ARHGEF9: variants seen among roughly 807,000 people sequenced by gnomAD.
ARHGEF9 encodes the protein Cdc42 guanine nucleotide exchange factor 9, also known as rho guanine nucleotide exchange factor 9.
ARHGEF9 carries 2 observed loss-of-function variants against 41.3 expected under a neutral mutation model. That is an observed-to-expected ratio of 0.05 (90% CI 0.02 to 0.15). ARHGEF9 has a LOEUF of 0.15. ARHGEF9 is among the 10% of genes least tolerant of loss of function. ARHGEF9 has a pLI of 1.00. For missense variants in ARHGEF9, 225 were observed against 424.7 expected (o/e 0.53, Z 4.13); for synonymous variants, 160 against 154.4 (o/e 1.04, Z -0.27).
At chrX:63,780,453 G>A (rs1475850303) in intron 1 of ARHGEF9, among the ~76,000 whole-genome samples, 2 of 111,100 alleles carry the variant, frequency 1.8e-5, no homozygotes, top group Non-Finnish European at 3.8e-5. Context: ...GCACACCAAA[G>A]GTGTGGCAAT....
At chrX:63,748,902 T>C (rs782452616) in intron 1 of ARHGEF9, among the ~76,000 whole-genome samples, 1 of 112,239 alleles carries the variant, frequency 8.9e-6, no homozygotes, top group Non-Finnish European at 1.9e-5. Context: ...TGAACAGTTC[T>C]AGGCAGCAGA....
chrX:63,707,353 G>A (rs2052610696), intron 2 of ARHGEF9: 1 of 100,977 alleles, frequency 9.9e-6, no homozygotes, highest in African/African-American at 3.7e-5. Context: ...TGAAGGCAGT[G>A]GGAAGCTAAA....
chrX:63,720,416 G>A (rs1180087841), intron 2 of ARHGEF9, among the ~76,000 whole-genome samples: 12 of 111,850 alleles, frequency 1.1e-4, no homozygotes, highest in African/African-American at 3.9e-4. Flanking sequence ...CCTGGGGAGA[G>A]AAGAAAATCT....
chrX:63,747,037 T>C (rs782389597), intron 1 of ARHGEF9, among the ~76,000 whole-genome samples: 1 of 112,211 alleles, frequency 8.9e-6, no homozygotes, highest in African/African-American at 3.2e-5. Context: ...TTAAAACCAC[T>C]CTGTGTATTC....
chrX:63,704,769 AG>A (rs2052416414), intron 3 of ARHGEF9, among the ~76,000 whole-genome samples: 1 of 112,512 alleles, frequency 8.9e-6, no homozygotes, highest in Non-Finnish European at 1.9e-5. Context: ...TCAAGCCCAC[AG>A]GGTTAATTAA....
At chrX:63,747,105 C>A (rs1267792023) in intron 1 of ARHGEF9, among the ~76,000 whole-genome samples, 1 of 112,332 alleles carries the variant, frequency 8.9e-6, no homozygotes, top group Non-Finnish European at 1.9e-5. Context: ...TATCTGTACT[C>A]GTGTTGATCA....
At chrX:63,659,723 C>A (rs1465688682) in intron 7 of ARHGEF9, among the ~76,000 whole-genome samples, 36 of 111,609 alleles carry the variant, frequency 3.2e-4, no homozygotes, top group Non-Finnish European at 6.4e-4. Context: ...AGAATGCATG[C>A]TTAATAATTA....
intron 4 of ARHGEF9, among the ~76,000 whole-genome samples, chrX:63,682,348 A>C (rs1435720452): frequency 3.7e-5 from 4 of 109,494 alleles, no homozygotes; most frequent in Non-Finnish European, 7.6e-5. Flanking sequence ...CCCCGTCTCT[A>C]ATAAAAATAC....
intron 1 of ARHGEF9, among the ~76,000 whole-genome samples, chrX:63,738,754 G>A (rs2054767353): frequency 2.7e-5 from 3 of 111,594 alleles, no homozygotes. Flanking sequence ...TACAAATGAA[G>A]AGAGACACAA....
intron 4 of ARHGEF9, 22 bp downstream of exon 4, chrX:63,697,103 C>T (rs1194474055): frequency 1.7e-6 from 2 of 1,202,501 alleles, no homozygotes; most frequent in African/African-American, 1.8e-5. Context: ...CAAAACCCTC[C>T]CCAAATGGAT....
chrX:63,762,319 G>A (rs2056048276), intron 1 of ARHGEF9, among the ~76,000 whole-genome samples: 1 of 111,998 alleles, frequency 8.9e-6, no homozygotes, highest in African/African-American at 3.2e-5. Flanking sequence ...TAGGTGGGCA[G>A]GTAGGTAGCC....
chrX:63,741,497 G>A (rs2054944917), intron 1 of ARHGEF9, among the ~76,000 whole-genome samples: 1 of 112,562 alleles, frequency 8.9e-6, no homozygotes, highest in African/African-American at 3.2e-5. Flanking sequence ...ATCAAAATAT[G>A]TCCCACATGG....
In ARHGEF9 at chrX:63,637,018, T is replaced by A. The variant is rs2047341232; in HGVS notation, c.*1010A>T. The A allele has an allele frequency of 1.0e-5, 3 of 295,698 alleles. No individual in the cohort carries two copies. In the South Asian group the frequency reaches 6.3e-4, roughly 62 times the overall value. The allele number at this position is 295,698 out of a possible 1,213,427, so 24.4% of individuals were successfully genotyped here. On this transcript the variant is annotated 3_prime_UTR_variant, in exon 10 of 10. Transcript: ENST00000671741. ...CTAGGGGGCAGGTAAATCCCTCTCCTGGGAGGCAGAATCTCAACCTCTGCT... is the reference window on the plus strand; with the variant it reads ...CTAGGGGGCAGGTAAATCCCTCTCCAGGGAGGCAGAATCTCAACCTCTGCT...
At chrX:63,724,734 T>C (rs782275570) in intron 1 of ARHGEF9, 23 bp from the exon 2 acceptor site, 5 of 1,200,268 alleles carry the variant, frequency 4.2e-6, no homozygotes, top group African/African-American at 1.8e-5. Flanking sequence ...AATGAGAATG[T>C]GTTCAGTCCA....
At chrX:63,760,797 A>C (rs2056021671) in intron 1 of ARHGEF9, among the ~76,000 whole-genome samples, 1 of 111,158 alleles carries the variant, frequency 9.0e-6, no homozygotes, top group Admixed American at 9.6e-5. Context: ...TATCCCTAGA[A>C]GTTTGAGAAG....
chrX:63,683,792 T>C (rs1246749800), intron 4 of ARHGEF9, among the ~76,000 whole-genome samples: 1 of 111,324 alleles, frequency 9.0e-6, no homozygotes, highest in Non-Finnish European at 1.9e-5. Flanking sequence ...TGGATATCTA[T>C]ATGCAAAAGA....
chrX:63,686,142 T>C (rs2050968315), intron 4 of ARHGEF9, among the ~76,000 whole-genome samples: 1 of 111,524 alleles, frequency 9.0e-6, no homozygotes, highest in Non-Finnish European at 1.9e-5. Flanking sequence ...AATGAATGGA[T>C]AAAGAAAATA....
At chrX:63,642,555 T>C (rs2047705828) in intron 9 of ARHGEF9, 1 of 111,711 alleles carries the variant, frequency 9.0e-6, no homozygotes, top group South Asian at 3.8e-4. Flanking sequence ...AATAAGCAGT[T>C]GAAGGGGAGG....
At chrX:63,720,300 G>C (rs1255225156) in intron 2 of ARHGEF9, among the ~76,000 whole-genome samples, 9 of 111,858 alleles carry the variant, frequency 8.0e-5, no homozygotes, top group Non-Finnish European at 1.7e-4. Flanking sequence ...AAAGAACAGA[G>C]ACTTCAGTGA....
Sources: gnomAD v4.1 joint callset for allele counts (sites outside exome capture counted in the v4.1 genomes callset) on GRCh38, gnomAD v4.1.1 for gene constraint, MANE v1.5 for transcripts, NCBI Gene and HGNC (gene_info 2026-07-23, HGNC 2026-07-21) for gene names.